The following MGAT4B variants were observed in gnomAD, a reference collection of about 807,000 sequenced individuals.
The protein encoded by MGAT4B is N-acetylglucosaminyltransferase IVb.
Under a neutral mutation model 73.9 loss-of-function variants are expected in MGAT4B, and 38 were observed. The ratio of observed to expected loss-of-function variants is 0.51; its 90% confidence interval spans 0.40 to 0.67. MGAT4B has a LOEUF of 0.67. Ranked by LOEUF, MGAT4B falls within the 30% of genes least tolerant of loss-of-function variation. The pLI is 0.00. For missense variants in MGAT4B, 686 were observed against 735.2 expected (o/e 0.93, Z 0.77); for synonymous variants, 373 against 313.5 (o/e 1.19, Z -2.01).
Position 179,799,940 on chromosome 5 carries a change from G to A in MGAT4B, c.910+14C>T. On this transcript the variant is annotated intron_variant, in intron 8 of 14. Transcript: ENST00000292591. Reference sequence around the variant, plus strand: ...GGGACTGAAAGGCACCGTCAGGTAAGGGGAGGGGCACACCAATGAAGCCCA... The same window carrying A: ...GGGACTGAAAGGCACCGTCAGGTAAAGGGAGGGGCACACCAATGAAGCCCA... 4.4e-6 allele frequency: 7 copies of A among 1,601,360 alleles called. No homozygotes were observed. The highest frequency in any genetic ancestry group is 6.0e-6 in the Non-Finnish European group (7 of 1,168,860).
chr5:179,800,809 A>G (rs1193251091), intron 5 of MGAT4B, 98 bp downstream of exon 5: 1 of 1,363,166 alleles, frequency 7.3e-7, no homozygotes, highest in East Asian at 2.3e-5. Flanking sequence ...CCCACGAGAT[A>G]GGAAAGGCAC....
rs1192857975 is a variant in MGAT4B at position 179,798,194 on chromosome 5, C to T, written c.1594G>A (p.Asp532Asn). 6.3e-7 allele frequency: 1 copy of T among 1,596,772 alleles called. No homozygotes were observed. Among genetic ancestry groups the T allele is most frequent in the Admixed American group, 1.7e-5 (1 of 57,770 alleles). Residue 532 changes from aspartate to asparagine, a missense_variant, in exon 14 of 15, where the codon GAC (aspartate) becomes AAC (asparagine). Asp to Asn is a conservative substitution (Grantham distance 23, BLOSUM62 1). This residue lies in a region of MGAT4B where 449 missense variants were observed against 536.8 expected (regional missense o/e 0.84). Coordinates refer to ENST00000292591, the MANE Select transcript of MGAT4B (RefSeq NM_014275.5). Reference protein sequence around the residue: ...LEALRLSIQTDSPVWVILSEI... With the variant: ...LEALRLSIQTNSPVWVILSEI... ...CTCAGAATCACCCACACAGGGGAGT[C>T]CGTCTGGATCGAGAGGCGCAGTGCT...
At chr5:179,802,502 T>C in intron 1 of MGAT4B, 2 of 1,020,070 alleles carry the variant, frequency 2.0e-6, no homozygotes, top group Non-Finnish European at 2.4e-6. Context: ...CCCACCTCAC[T>C]TCATTGCTCA....
At position 179,797,725 on chromosome 5, in the gene MGAT4B, C is replaced by G; in HGVS notation, c.*320G>C. 2.9e-6 allele frequency: 1 copy of G among 342,566 alleles called. No homozygotes were observed. Among genetic ancestry groups the G allele is most frequent in the East Asian group, 5.7e-5 (1 of 17,528 alleles). The allele number at this position is 342,566 out of a possible 1,614,324, so 21.2% of individuals were successfully genotyped here. ...CAGCACATAAAGTAGTATATGCATT[C>G]CAGTGTTCGCGCCAGAGACGGCGGG... On this transcript the variant is annotated 3_prime_UTR_variant, in exon 15 of 15. Transcript: ENST00000292591.
chr5:179,801,773 C>T lies in MGAT4B; in HGVS notation c.283+11G>A. ...GCCCCCGCCTTTTCCCCCTCCCGCC[C>T]CAGACCTCACCTGTTAGGCGGCCCC... On this transcript the variant is annotated intron_variant, in intron 2 of 14. Transcript: ENST00000292591. The surrounding 1 kb of genome is among the most constrained non-coding windows in gnomAD (Gnocchi z 4.8). 1 of 1,572,316 alleles carries T rather than the reference C, an allele frequency of 6.4e-7. No individual in the cohort carries two copies. Among genetic ancestry groups the T allele is most frequent in the Non-Finnish European group, 8.6e-7 (1 of 1,156,414 alleles).
At chr5:179,804,293 T>TG (rs1757054998) in intron 1 of MGAT4B, among the ~76,000 whole-genome samples, 1 of 152,208 alleles carries the variant, frequency 6.6e-6, no homozygotes, top group Non-Finnish European at 1.5e-5. Flanking sequence ...ACCATGCATG[T>TG]GTGTGGCAGG....
chr5:179,802,168 G>A (rs2113435854), intron 1 of MGAT4B, 199 bp from the exon 2 acceptor site: 2 of 1,503,904 alleles, frequency 1.3e-6, no homozygotes, highest in Non-Finnish European at 1.8e-6. Flanking sequence ...GAAAACCAGG[G>A]GAATTAGCCC....
rs1482005672 is a variant in MGAT4B, at chr5:179,805,975, CGCCT to C, written c.97+508_97+511del. On this transcript the variant is annotated intron_variant, in intron 1 of 14. Transcript: ENST00000292591. Reference sequence around the variant, plus strand: ...CAGCAGGGGCCGGGCTGCCTCAGGACGCCTCCCTCCCTCCCTCCCTCCCTCCCAC... The same window carrying C: ...CAGCAGGGGCCGGGCTGCCTCAGGACCCCTCCCTCCCTCCCTCCCTCCCAC... Among the ~76,000 whole-genome samples the C allele has an allele frequency of 2.8e-4, 25 of 89,926 alleles. No homozygotes were observed. In the South Asian group the frequency reaches 0.011, roughly 39 times the overall value. The allele number at this position is 89,926 out of a possible 152,430, so 59.0% of individuals were successfully genotyped here. A position where few individuals can be genotyped will look rare whatever the true frequency, so the allele number is the denominator to read the frequency against.
intron 1 of MGAT4B, chr5:179,802,431 C>T (rs1243901848): frequency 1.8e-6 from 2 of 1,102,888 alleles, no homozygotes; most frequent in East Asian, 5.6e-5. Flanking sequence ...TGGTTGCTCA[C>T]CCTGCACTGG....
chr5:179,798,393 G>C lies in MGAT4B; in HGVS notation c.1464C>G (p.Thr488=). The C allele has an allele frequency of 6.2e-7, 1 of 1,612,744 alleles. No homozygotes were observed. The highest frequency in any genetic ancestry group is 1.3e-5 in the African/African-American group (1 of 75,046). ...SDKEALQEGR[T]ATLRYPRSPD... is the part of the protein sequence containing the mutation. Reference sequence around the variant, plus strand: ...GGCTCCGAGGGTACCGGAGGGTGGCGGTGCGGCCCTCCTGCAGGGCCTCCT... The same window carrying C: ...GGCTCCGAGGGTACCGGAGGGTGGCCGTGCGGCCCTCCTGCAGGGCCTCCT... The change falls in exon 13 of 15, where the codon ACC becomes ACG. Residue 488 remains threonine, a synonymous_variant. Coordinates refer to ENST00000292591, the MANE Select transcript of MGAT4B (RefSeq NM_014275.5).
rs1756852718 is a variant in MGAT4B, at chr5:179,800,252, T to C, written c.727A>G (p.Thr243Ala). The C allele has an allele frequency of 6.2e-7, 1 of 1,613,254 alleles. No individual in the cohort carries two copies. The highest frequency in any genetic ancestry group is 2.2e-5 in the East Asian group (1 of 44,870). Residue 243 changes from threonine (T) to alanine (A), a missense_variant, in exon 7 of 15, where the codon ACC (threonine) becomes GCC (alanine). This residue lies in a region of MGAT4B where 449 missense variants were observed against 536.8 expected (regional missense o/e 0.84). Coordinates refer to ENST00000292591, the MANE Select transcript of MGAT4B (RefSeq NM_014275.5). Reference protein sequence around the residue: ...GDPKERVRWRTKQNLDYCFLM... With the variant: ...GDPKERVRWRAKQNLDYCFLM... Reference sequence around the variant, plus strand: ...AAGCAGTAATCGAGGTTCTGTTTGGTCCTCCACCTGTGGGCCGGGGCGGGG... The same window carrying C: ...AAGCAGTAATCGAGGTTCTGTTTGGCCCTCCACCTGTGGGCCGGGGCGGGG...
At chr5:179,799,798 C>G (rs990299901) in intron 8 of MGAT4B, 156 bp downstream of exon 8, 1 of 1,255,902 alleles carries the variant, frequency 8.0e-7, no homozygotes, top group Non-Finnish European at 1.1e-6. Context: ...ATGTCTGATG[C>G]ACAGGCAATG....
Position 179,798,444 on chromosome 5 carries a change from G to T in MGAT4B, c.1423-10C>A. On this transcript the variant is annotated splice_polypyrimidine_tract_variant and intron_variant, in intron 12 of 14. Transcript: ENST00000292591. ...TGTCTGACTGAGGGTTCTGGGGGCA[G>T]AATCAAGGGCTGAGGCAGGTGGTCA... 3.7e-6 allele frequency: 6 copies of T among 1,612,700 alleles called. No homozygotes were observed. The highest frequency in any genetic ancestry group is 5.1e-6 in the Non-Finnish European group (6 of 1,179,746).
chr5:179,802,086 G>A, intron 1 of MGAT4B, 117 bp from the exon 2 acceptor site: 5 of 1,574,218 alleles, frequency 3.2e-6, no homozygotes, highest in Non-Finnish European at 4.3e-6. Flanking sequence ...ATTGACATCT[G>A]TTCTTGTGCC....
intron 1 of MGAT4B, 113 bp from the exon 2 acceptor site, chr5:179,802,082 ATC>A (rs1217044833): frequency 1.3e-6 from 2 of 1,584,494 alleles, no homozygotes; most frequent in South Asian, 2.3e-5. Flanking sequence ...GCTCATTGAC[ATC>A]TGTTCTTGTG....
chr5:179,802,166 G>A, intron 1 of MGAT4B, 197 bp from the exon 2 acceptor site: 3 of 1,504,548 alleles, frequency 2.0e-6, no homozygotes, highest in Non-Finnish European at 1.8e-6. Context: ...GAGAAAACCA[G>A]GGGAATTAGC....
At position 179,798,047 on chromosome 5, in the gene MGAT4B, A is replaced by C. The variant is rs370070119; in HGVS notation, c.1645T>G (p.Ter549GluextTer5). The stretch of plus-strand genomic sequence containing the variant: ...GGGTACCCTCAGAAGCCCGCAGCTT[A>C]GTCGGCCTTTTTCAGGAAGATCTGG... The part of the protein sequence containing the change: ...LSEIFLKKAD[*>E] The change falls in exon 15 of 15, where the codon TAA becomes GAA. Residue 549 changes from the stop codon to glutamate (E), a stop_lost. Transcript: ENST00000292591. The C allele has an allele frequency of 6.2e-7, 1 of 1,608,780 alleles. No individual in the cohort carries two copies. Among genetic ancestry groups the C allele is most frequent in the African/African-American group, 1.3e-5 (1 of 74,872 alleles).
Position 179,801,726 on chromosome 5 carries a change from C to A in MGAT4B, c.284-32G>T. 6.3e-7 allele frequency: 1 copy of A among 1,596,458 alleles called. No individual in the cohort carries two copies. ...GGGTCGGGAAGGATCGGGACTGAGA[C>A]CAGGGAACCTACAACCAGCCCGCCC... On this transcript the variant is annotated intron_variant, in intron 2 of 14. Coordinates refer to ENST00000292591, the MANE Select transcript of MGAT4B (RefSeq NM_014275.5). This position sits in a 1 kb window ranked among gnomAD's most constrained non-coding sequence, Gnocchi z 4.8.
chr5:179,799,654 G>C lies in MGAT4B; in HGVS notation c.911-18C>G, dbSNP rs373032627. ...CATCTTACCTGGTGGGGAGGGGCCT[G>C]AGTGGGCAGTGCTGCTCTGCCTACT... On this transcript the variant is annotated intron_variant, in intron 8 of 14. Transcript: ENST00000292591. 53 of 1,613,246 alleles carry C rather than the reference G, an allele frequency of 3.3e-5. No individual in the cohort carries two copies. The highest frequency in any genetic ancestry group is 4.5e-5 in the Non-Finnish European group (53 of 1,179,960).
Sources: allele counts gnomAD v4.1 joint callset (sites outside exome capture counted in the v4.1 genomes callset), GRCh38; gene constraint gnomAD v4.1.1; regional missense constraint gnomAD v4.1.1; non-coding constraint Gnocchi (gnomAD v3.1); transcripts MANE v1.5; gene names NCBI Gene and HGNC (gene_info 2026-07-23, HGNC 2026-07-21).